Variants in NFIL3 observed in about 807,000 individuals in gnomAD.
The protein encoded by NFIL3 is nuclear factor, interleukin 3 regulated, also known as nuclear factor interleukin-3-regulated protein.
NFIL3 carries 5 observed loss-of-function variants against 10.0 expected under a neutral mutation model. The observed-to-expected ratio is 0.50, with a 90% CI of 0.26 to 1.06. The LOEUF (loss-of-function observed/expected upper bound fraction) is 1.06. Among genes scored for constraint, NFIL3 ranks in the 50% least tolerant of loss-of-function variants. NFIL3 has a pLI of 0.13. For synonymous variants in NFIL3, 202 were observed against 206.5 expected (o/e 0.98, Z 0.19); for missense variants, 436 against 547.6 (o/e 0.80, Z 2.03).
the NFIL3 span, among the ~76,000 whole-genome samples, chr9:91,482,663 G>A: frequency 2.0e-5 from 3 of 151,824 alleles, no homozygotes; most frequent in Non-Finnish European, 2.9e-5. Context: ...CAACACGCCC[G>A]ACTAATTTTT....
chr9:91,457,301 A>T, the NFIL3 span, among the ~76,000 whole-genome samples: 1 of 152,024 alleles, frequency 6.6e-6, no homozygotes, highest in Non-Finnish European at 1.5e-5. Context: ...TTTATAGATC[A>T]ATTAGGAGAG....
intron 1 of NFIL3, among the ~76,000 whole-genome samples, chr9:91,416,473 T>C (rs1833659341): frequency 6.6e-6 from 1 of 152,248 alleles, no homozygotes; most frequent in Non-Finnish European, 1.5e-5. Context: ...CATCTATGCA[T>C]CATCTTTTCA....
chr9:91,454,634 C>A, the NFIL3 span, among the ~76,000 whole-genome samples: 1 of 151,922 alleles, frequency 6.6e-6, no homozygotes, highest in East Asian at 1.9e-4. Flanking sequence ...GAGTTTGAGC[C>A]CAGCCTGGCC....
chr9:91,467,798 G>C, the NFIL3 span, among the ~76,000 whole-genome samples: 1 of 150,074 alleles, frequency 6.7e-6, no homozygotes, highest in Non-Finnish European at 1.5e-5. Context: ...TTGGTTTTCT[G>C]TCCTTGCGAT....
chr9:91,447,488 A>G, the NFIL3 span, among the ~76,000 whole-genome samples: 1 of 152,198 alleles, frequency 6.6e-6, no homozygotes, highest in Non-Finnish European at 1.5e-5. Context: ...TATCCTTGCT[A>G]ACATATGTTA....
chr9:91,440,675 G>A, the NFIL3 span, among the ~76,000 whole-genome samples: 3 of 152,054 alleles, frequency 2.0e-5, no homozygotes, highest in Non-Finnish European at 2.9e-5. Context: ...TGCTGCTGCT[G>A]CATCCCATAG....
chr9:91,429,136 A>C, the NFIL3 span, among the ~76,000 whole-genome samples: 3 of 152,258 alleles, frequency 2.0e-5, no homozygotes, highest in Non-Finnish European at 4.4e-5. Flanking sequence ...ATTGCAATCC[A>C]GTTCAAATCA....
chr9:91,463,704 C>G, the NFIL3 span, among the ~76,000 whole-genome samples: 73 of 152,244 alleles, frequency 4.8e-4, no homozygotes, highest in African/African-American at 1.7e-3. Context: ...CTCAGGTTGT[C>G]TATATCCTTT....
the NFIL3 span, among the ~76,000 whole-genome samples, chr9:91,462,258 G>A: frequency 6.6e-6 from 1 of 151,992 alleles, no homozygotes; most frequent in Non-Finnish European, 1.5e-5. Flanking sequence ...TTAAATAGAA[G>A]TGGTGAGAGT....
At chr9:91,450,946 C>G in the NFIL3 span, among the ~76,000 whole-genome samples, 1 of 152,106 alleles carries the variant, frequency 6.6e-6, no homozygotes, top group African/African-American at 2.4e-5. Context: ...CAGCTTTGTT[C>G]TGATTAAATC....
At chr9:91,417,405 CAATT>C (rs575231578) in intron 1 of NFIL3, among the ~76,000 whole-genome samples, 15 of 152,266 alleles carry the variant, frequency 9.9e-5, no homozygotes, top group African/African-American at 2.4e-4. Flanking sequence ...AAAATCAAAT[CAATT>C]AATCAATTCA....
At chr9:91,469,494 C>T in the NFIL3 span, among the ~76,000 whole-genome samples, 3 of 152,170 alleles carry the variant, frequency 2.0e-5, no homozygotes, top group Non-Finnish European at 2.9e-5. Context: ...AATTTGACTT[C>T]CTCTTTTCCT....
the NFIL3 span, among the ~76,000 whole-genome samples, chr9:91,446,323 T>C: frequency 6.6e-6 from 1 of 152,238 alleles, no homozygotes; most frequent in African/African-American, 2.4e-5. Flanking sequence ...TTTCTGTGCT[T>C]CACAGGATTT....
the NFIL3 span, among the ~76,000 whole-genome samples, chr9:91,475,508 G>A: frequency 6.6e-6 from 1 of 152,084 alleles, no homozygotes; most frequent in Non-Finnish European, 1.5e-5. Flanking sequence ...TGGCCAAAAT[G>A]TCACTCAGAG....
At chr9:91,426,194 T>C (rs1025764355), upstream of NFIL3, 1 of 152,158 alleles carries the variant, frequency 6.6e-6, no homozygotes, top group African/African-American at 2.4e-5. Context: ...TGTGTATGTA[T>C]TATATCTGTG....
the NFIL3 span, among the ~76,000 whole-genome samples, chr9:91,463,788 C>T: frequency 2.0e-5 from 3 of 152,204 alleles, no homozygotes; most frequent in East Asian, 5.8e-4. Flanking sequence ...GTGGATATGT[C>T]CATTTCTTCT....
the NFIL3 span, among the ~76,000 whole-genome samples, chr9:91,452,942 C>T: frequency 6.6e-5 from 10 of 152,120 alleles, no homozygotes; most frequent in Middle Eastern, 3.4e-3. Flanking sequence ...TTTGGGTTCA[C>T]GGCTGTAAGA....
rs1256484997 is a variant in NFIL3 at position 91,410,685 on chromosome 9, T to C, written c.50A>G (p.Asp17Gly). Residue 17 changes from aspartate to glycine, a missense_variant, in exon 2 of 2, where the codon GAT becomes GGT. Around this residue, in one of 3 missense-constraint regions of NFIL3, gnomAD observed 76 missense variants for 73.0 expected, o/e 1.04. Coordinates refer to ENST00000297689, the MANE Select transcript of NFIL3 (RefSeq NM_005384.3). This position sits in a 1 kb window ranked among gnomAD's most constrained non-coding sequence, Gnocchi z 5.7. ...QTVKKEQASL[D>G]ASSNVDKMMV... ...CATCTTGTCCACATTGCTACTGGCA[T>C]CAAGAGACGCCTGCTCCTTTTTGAC... The C allele has an allele frequency of 6.2e-7, 1 of 1,610,264 alleles. No homozygotes were observed. The highest frequency in any genetic ancestry group is 1.1e-5 in the South Asian group (1 of 89,968).
the NFIL3 span, among the ~76,000 whole-genome samples, chr9:91,460,149 G>A: frequency 6.6e-6 from 1 of 152,018 alleles, no homozygotes; most frequent in African/African-American, 2.4e-5. Flanking sequence ...AGAGGAGAAG[G>A]CTGTGCAGGT....
Sources: allele counts gnomAD v4.1 joint callset (sites outside exome capture counted in the v4.1 genomes callset), GRCh38; gene constraint gnomAD v4.1.1; regional missense constraint gnomAD v4.1.1; non-coding constraint Gnocchi (gnomAD v3.1); transcripts MANE v1.5; gene names NCBI Gene and HGNC (gene_info 2026-07-23, HGNC 2026-07-21).